The following HGD variants were observed in gnomAD, a reference collection of about 807,000 sequenced individuals.
HGD encodes homogentisate oxidase.
HGD carries 61 observed loss-of-function variants against 60.8 expected under a neutral mutation model. The observed-to-expected ratio is 1.00, with a 90% confidence interval of 0.82 to 1.24. HGD has a LOEUF of 1.24. Among genes scored for constraint, HGD ranks in the 50% most tolerant of loss-of-function variants. The pLI, the probability that HGD is intolerant of heterozygous loss-of-function variation, is 0.00. For synonymous variants in HGD, 212 were observed against 187.7 expected (o/e 1.13, Z -1.06); for missense variants, 542 against 547.1 (o/e 0.99, Z 0.09).
At chr3:120,670,635 A>G (rs139393065) in intron 3 of HGD, 103 bp from the exon 4 acceptor site, 2 of 772,718 alleles carry the variant, frequency 2.6e-6, no homozygotes, top group Non-Finnish European at 4.7e-6. Context: ...CAAGTCAACA[A>G]CGACCTGTAG....
intron 11 of HGD, among the ~76,000 whole-genome samples, chr3:120,641,332 G>A (rs1274860027): frequency 6.6e-6 from 1 of 152,184 alleles, no homozygotes; most frequent in Non-Finnish European, 1.5e-5. Flanking sequence ...TATCCACTTA[G>A]TTTGGCAAAT....
At chr3:120,635,660 C>T (rs1940746485) in intron 12 of HGD, among the ~76,000 whole-genome samples, 1 of 152,032 alleles carries the variant, frequency 6.6e-6, no homozygotes, top group Admixed American at 6.6e-5. Flanking sequence ...TCATTTCTAA[C>T]CTGGGGTTCT....
rs564847483 is a variant in HGD at position 120,633,437 on chromosome 3, G to A, written c.1007-109C>T. On this transcript the variant is annotated intron_variant, in intron 12 of 13. Coordinates refer to ENST00000283871, the MANE Select transcript of HGD (RefSeq NM_000187.4). Reference sequence around the variant, plus strand: ...AATTCCAAGAACACAGGAGAAACTAGTAAATTGTATAGGATTAATAAAGAA... The same window carrying A: ...AATTCCAAGAACACAGGAGAAACTAATAAATTGTATAGGATTAATAAAGAA... 3.7e-5 allele frequency: 59 copies of A among 1,597,020 alleles called. No homozygotes were observed. In the African/African-American group the frequency reaches 4.7e-4, roughly 13 times the overall value.
chr3:120,677,388 G>T (rs1354050267), intron 1 of HGD, among the ~76,000 whole-genome samples: 1 of 152,112 alleles, frequency 6.6e-6, no homozygotes, highest in African/African-American at 2.4e-5. Context: ...CGAGCCAGGA[G>T]GTATAGGCTT....
intron 10 of HGD, among the ~76,000 whole-genome samples, chr3:120,643,771 C>A (rs1163241364): frequency 3.3e-5 from 5 of 151,940 alleles, no homozygotes; most frequent in Non-Finnish European, 7.4e-5. Context: ...GTCCATATTA[C>A]ATTGTTGTTA....
intron 5 of HGD, among the ~76,000 whole-genome samples, chr3:120,651,258 C>T (rs769167475): frequency 3.9e-5 from 6 of 152,166 alleles, no homozygotes; most frequent in Non-Finnish European, 7.3e-5. Context: ...CAGTTAATGC[C>T]TCTCAAGTAC....
chr3:120,641,471 C>G, intron 11 of HGD, 118 bp downstream of exon 11: 2 of 771,674 alleles, frequency 2.6e-6, no homozygotes, highest in Admixed American at 1.8e-5. Flanking sequence ...ATGACTATAT[C>G]TAGGGCTTCC....
In HGD at chr3:120,646,373, T is replaced by A; in HGVS notation, c.550-7A>T. 1.3e-6 allele frequency: 2 copies of A among 1,583,934 alleles called. No individual in the cohort carries two copies. The highest frequency in any genetic ancestry group is 8.7e-7 in the Non-Finnish European group (1 of 1,152,624). The stretch of plus-strand genomic sequence containing the variant: ...TGCTGAACCGCATTCCTCTCTGGAA[T>A]GGAAAGCAGACACTGGTGTGCCCTC... On this transcript the variant is annotated splice_region_variant and splice_polypyrimidine_tract_variant and intron_variant, in intron 8 of 13. Transcript: ENST00000283871.
At chr3:120,639,483 C>T (rs557781733) in intron 11 of HGD, among the ~76,000 whole-genome samples, 1 of 152,266 alleles carries the variant, frequency 6.6e-6, no homozygotes, top group South Asian at 2.1e-4. Flanking sequence ...AATGAATTAA[C>T]ACCAGCTAAA....
chr3:120,644,219 C>T lies in HGD; in HGVS notation c.774+100G>A, dbSNP rs553405155. 2.0e-4 allele frequency: 281 copies of T among 1,398,940 alleles called. 2 individuals carry two copies. The South Asian group carries it at 2.7e-3, about 13-fold the overall frequency. 86.7% of individuals were successfully genotyped at this position (1,398,940 alleles called of 1,614,324 possible). On this transcript the variant is annotated intron_variant, in intron 10 of 13. Transcript: ENST00000283871. ...TAGTGCCGTAGTGGTATGATAACAA[C>T]GAAAGGATATATGTAAAGTTTGTAA...
intron 4 of HGD, among the ~76,000 whole-genome samples, chr3:120,657,981 A>C (rs2551595): frequency 0.084 from 12,710 of 152,212 alleles, 716 homozygotes; most frequent in Middle Eastern, 0.16. Flanking sequence ...AACTGTCCCC[A>C]AGATCCAATC....
intron 11 of HGD, among the ~76,000 whole-genome samples, chr3:120,640,943 T>C (rs907886693): frequency 2.6e-5 from 4 of 152,034 alleles, no homozygotes; most frequent in East Asian, 1.9e-4. Context: ...AAAATGAACT[T>C]CCCCCCGGGG....
intron 4 of HGD, among the ~76,000 whole-genome samples, chr3:120,654,854 T>C (rs1437089862): frequency 1.3e-5 from 2 of 152,046 alleles, no homozygotes; most frequent in Non-Finnish European, 2.9e-5. Context: ...GGGTGGATCA[T>C]GAGGTCAGGA....
chr3:120,650,199 T>C (rs2107517690), intron 6 of HGD, among the ~76,000 whole-genome samples: 1 of 152,360 alleles, frequency 6.6e-6, no homozygotes, highest in East Asian at 1.9e-4. Context: ...AAGTTCTCTA[T>C]TTCTCTGTTT....
At chr3:120,644,671 G>C in intron 9 of HGD, 1 of 1,456,836 alleles carries the variant, frequency 6.9e-7, no homozygotes, top group Non-Finnish European at 9.2e-7. Flanking sequence ...AGGTTGTGGA[G>C]TGACTATGGT....
chr3:120,663,603 A>G (rs752413480), intron 4 of HGD, among the ~76,000 whole-genome samples: 17 of 152,194 alleles, frequency 1.1e-4, no homozygotes, highest in Non-Finnish European at 2.2e-4. Flanking sequence ...CTTATTTTGC[A>G]GGTTTGGGAA....
intron 12 of HGD, chr3:120,633,542 G>C: frequency 1.3e-6 from 2 of 1,486,292 alleles, no homozygotes; most frequent in Non-Finnish European, 1.8e-6. Flanking sequence ...TGGCCATGTG[G>C]ATTATCAGAG....
chr3:120,675,111 C>T (rs1486217863), intron 2 of HGD, 122 bp from the exon 3 acceptor site: 8 of 700,510 alleles, frequency 1.1e-5, no homozygotes, highest in African/African-American at 3.5e-5. Flanking sequence ...ATCTGCAACC[C>T]GATATGTTTC....
At chr3:120,629,872 A>G (rs1408930683) in intron 13 of HGD, among the ~76,000 whole-genome samples, 2 of 152,208 alleles carry the variant, frequency 1.3e-5, no homozygotes, top group East Asian at 3.8e-4. Flanking sequence ...TATCTAGAAA[A>G]CACCATAGTC....
Sources: allele counts gnomAD v4.1 joint callset (sites outside exome capture counted in the v4.1 genomes callset), GRCh38; gene constraint gnomAD v4.1.1; transcripts MANE v1.5; gene names NCBI Gene and HGNC (gene_info 2026-07-23, HGNC 2026-07-21).